The following ZNF862 variants were observed in gnomAD, a reference collection of about 807,000 sequenced individuals.
The protein encoded by ZNF862 is zinc finger protein 862.
In ZNF862, 64 loss-of-function variants were observed where a neutral mutation model predicts 91.1. The observed-to-expected ratio is 0.70, with a 90% confidence interval of 0.57 to 0.87. The LOEUF (loss-of-function observed/expected upper bound fraction) is 0.87. Among genes scored for constraint, ZNF862 ranks in the 40% least tolerant of loss-of-function variants. The pLI, the probability that ZNF862 is intolerant of heterozygous loss-of-function variation, is 0.00. For missense variants in ZNF862, 1,459 were observed against 1,528.0 expected (o/e 0.95, Z 0.75); for synonymous variants, 631 against 618.1 (o/e 1.02, Z -0.31).
chr7:149,863,519 C>T (rs573999231), intron 7 of ZNF862, among the ~76,000 whole-genome samples: 10 of 152,290 alleles, frequency 6.6e-5, no homozygotes, highest in African/African-American at 2.4e-4. Flanking sequence ...AAAGAGACCC[C>T]TCACTGATAA....
At chr7:149,849,958 A>C (rs1802005864) in intron 4 of ZNF862, among the ~76,000 whole-genome samples, 1 of 152,178 alleles carries the variant, frequency 6.6e-6, no homozygotes, top group South Asian at 2.1e-4. Context: ...GGATCTGACC[A>C]AGTCTCACTT....
chr7:149,864,147 G>A lies in ZNF862; in HGVS notation c.3373G>A (p.Val1125Met). The A allele has an allele frequency of 1.9e-6, 3 of 1,592,882 alleles. No individual in the cohort carries two copies. The highest frequency in any genetic ancestry group is 2.6e-6 in the Non-Finnish European group (3 of 1,169,896). Reference sequence around the variant, plus strand: ...GAAGGAGGAGATGGGAGCCCTCTATGTGGAGGAGCCCAGGACCCAGAAGCC... The same window carrying A: ...GAAGGAGGAGATGGGAGCCCTCTATATGGAGGAGCCCAGGACCCAGAAGCC... ...LRKEEMGALYVEEPRTQKPPI... is the reference protein window; with the variant it reads ...LRKEEMGALYMEEPRTQKPPI... The change falls in exon 8 of 8, where the codon GTG becomes ATG. Residue 1125 changes from valine (V) to methionine (M), a missense_variant. Coordinates refer to ENST00000223210, the MANE Select transcript of ZNF862 (RefSeq NM_001099220.3).
chr7:149,838,717 C>T, intron 1 of ZNF862, 82 bp downstream of exon 1: 1 of 937,972 alleles, frequency 1.1e-6, no homozygotes. Flanking sequence ...GCGGCTCGGG[C>T]GGAGGCCCCG....
rs1195076732 is a variant in ZNF862 at position 149,861,148 on chromosome 7, A to G, written c.1988A>G (p.Tyr663Cys). 6.2e-7 allele frequency: 1 copy of G among 1,613,046 alleles called. No individual in the cohort carries two copies. The highest frequency in any genetic ancestry group is 8.5e-7 in the Non-Finnish European group (1 of 1,179,858). Residue 663 changes from tyrosine (Y) to cysteine (C), a missense_variant, in exon 7 of 8, where the codon TAC (tyrosine) becomes TGC (cysteine). By Grantham distance (194) the Tyr-to-Cys change is radical (BLOSUM62 -2). Coordinates refer to ENST00000223210, the MANE Select transcript of ZNF862 (RefSeq NM_001099220.3). The surrounding 1 kb of genome is among the most constrained non-coding windows in gnomAD (Gnocchi z 6.7). ...KESYITLAPLYSETADGYFET... is the reference protein window; with the variant it reads ...KESYITLAPLCSETADGYFET... Reference sequence around the variant, plus strand: ...TCCTACATCACTCTGGCCCCTCTCTACAGTGAGACAGCAGATGGGTACTTC... The same window carrying G: ...TCCTACATCACTCTGGCCCCTCTCTGCAGTGAGACAGCAGATGGGTACTTC...
chr7:149,843,217 C>G (rs1048083548), intron 1 of ZNF862, among the ~76,000 whole-genome samples: 11 of 152,164 alleles, frequency 7.2e-5, no homozygotes, highest in African/African-American at 2.7e-4. Context: ...TGATTGATAT[C>G]ATTTTCCTCA....
chr7:149,850,592 C>T lies in ZNF862; in HGVS notation c.1117+254C>T. 1 of 442,502 alleles carries T rather than the reference C, an allele frequency of 2.3e-6. No homozygotes were observed. Among genetic ancestry groups the T allele is most frequent in the Non-Finnish European group, 4.1e-6 (1 of 246,770 alleles). The allele number at this position is 442,502 out of a possible 1,614,324, so 27.4% of individuals were successfully genotyped here. A position where few individuals can be genotyped will look rare whatever the true frequency, so the allele number is the denominator to read the frequency against. ...GTACCTACTATGTGCCAGATGAACACAGCTGATCCATGGTCTCTGCTTTCA... is the reference window on the plus strand; with the variant it reads ...GTACCTACTATGTGCCAGATGAACATAGCTGATCCATGGTCTCTGCTTTCA... On this transcript the variant is annotated intron_variant, in intron 5 of 7. Transcript: ENST00000223210. The surrounding 1 kb of genome is among the most constrained non-coding windows in gnomAD (Gnocchi z 4.2).
rs371510868 is a variant in ZNF862, at chr7:149,862,283, G to C, written c.3123G>C (p.Arg1041=). 8.7e-6 allele frequency: 14 copies of C among 1,613,670 alleles called. No individual in the cohort carries two copies. The Admixed American group carries it at 1.2e-4, about 13-fold the overall frequency. The change falls in exon 7 of 8, where the codon CGG becomes CGC. Residue 1041 remains arginine (R), a synonymous_variant. Transcript: ENST00000223210. ...CVPISTSCCE[R]GFKAMNRIRT... ...CCATCTCCACCTCTTGCTGTGAGCG[G>C]GGGTTCAAGGCCATGAACCGAATCA...
At chr7:149,848,521 ATAC>A in intron 4 of ZNF862, 89 bp downstream of exon 4, 1 of 1,080,708 alleles carries the variant, frequency 9.3e-7, no homozygotes, top group Non-Finnish European at 1.3e-6. Context: ...GGAAAAAAGA[ATAC>A]TAGTGATAAC....
At position 149,859,340 on chromosome 7, in the gene ZNF862, TC is replaced by T. The variant is rs1802371392; in HGVS notation, c.1118-81del. The T allele has an allele frequency of 3.2e-6, 4 of 1,245,882 alleles. No homozygotes were observed. In the South Asian group the frequency reaches 5.1e-5, roughly 16 times the overall value. 77.2% of individuals were successfully genotyped at this position (1,245,882 alleles called of 1,614,324 possible). On this transcript the variant is annotated intron_variant, in intron 5 of 7. Transcript: ENST00000223210. Reference sequence around the variant, plus strand: ...GAACCCAGAGACACCTCTGTGTACTTCAGGGACTGGGTCTAGCTTGAGGGGG... The same window carrying T: ...GAACCCAGAGACACCTCTGTGTACTTAGGGACTGGGTCTAGCTTGAGGGGG...
intron 1 of ZNF862, among the ~76,000 whole-genome samples, chr7:149,840,012 G>A (rs1020450095): frequency 2.6e-5 from 4 of 151,718 alleles, no homozygotes; most frequent in African/African-American, 7.3e-5. Context: ...AGAGAAATAC[G>A]GTCATGCGCT....
At chr7:149,857,200 T>G (rs942177625) in intron 5 of ZNF862, among the ~76,000 whole-genome samples, 3 of 152,280 alleles carry the variant, frequency 2.0e-5, no homozygotes, top group Admixed American at 6.5e-5. Context: ...AAAATTTTCT[T>G]GTATGATTTC....
chr7:149,862,673 G>T (rs921048509), intron 7 of ZNF862, among the ~76,000 whole-genome samples, 179 bp downstream of exon 7: 1 of 152,220 alleles, frequency 6.6e-6, no homozygotes, highest in African/African-American at 2.4e-5. Flanking sequence ...GGGAGATGAC[G>T]CACATGTGCT....
intron 2 of ZNF862, 33 bp downstream of exon 2, chr7:149,844,769 C>A: frequency 1.4e-6 from 2 of 1,403,986 alleles, no homozygotes; most frequent in South Asian, 1.2e-5. Context: ...CTGCCACTGT[C>A]AATTTAGATC....
At chr7:149,840,187 T>TAAAAAAAAAAAAAAAAAAAAAA (rs60721842) in intron 1 of ZNF862, among the ~76,000 whole-genome samples, 8 of 41,252 alleles carry the variant, frequency 1.9e-4, no homozygotes, top group South Asian at 1.8e-3. Context: ...GCTTAAAAAG[T>TAAAAAAAAAAAAAAAAAAAAAA]AAAAAAAAAA....
At chr7:149,859,905 T>G in intron 6 of ZNF862, 1 of 259,348 alleles carries the variant, frequency 3.9e-6, no homozygotes. Context: ...GAGAATTCGT[T>G]GTCTTGCCTA....
rs1802754108 is a variant in ZNF862 at position 149,867,004 on chromosome 7, G to A, written c.*2720G>A. ...GGGAAGAAGCATGCACTCCCGCTTT[G>A]GCTGGAGTCCCAGCGCTTGTCGCCA... On this transcript the variant is annotated 3_prime_UTR_variant, in exon 8 of 8. Transcript: ENST00000223210. 6.6e-6 allele frequency: 1 copy of A among 152,132 alleles called. No homozygotes were observed. The highest frequency in any genetic ancestry group is 1.5e-5 in the Non-Finnish European group (1 of 68,032). The allele number at this position is 152,132 out of a possible 1,614,324, so 9.4% of individuals were successfully genotyped here. A position where few individuals can be genotyped will look rare whatever the true frequency, so the allele number is the denominator to read the frequency against.
chr7:149,852,850 C>G (rs1802113149), intron 5 of ZNF862: 1 of 152,252 alleles, frequency 6.6e-6, no homozygotes, highest in African/African-American at 2.4e-5. Context: ...CCACTCACTG[C>G]AGGCGGGCAG....
chr7:149,864,209 G>A lies in ZNF862; in HGVS notation c.3435G>A (p.Leu1145=), dbSNP rs986187677. ...CCTCCAGGGAAGCAGCGGAGGTTCT[G>A]AAGGACTGCATCATGGAGCCTCCCG... ...ILPSREAAEV[L]KDCIMEPPER... is the part of the protein sequence containing the mutation. Residue 1145 remains leucine (L), a synonymous_variant, in exon 8 of 8, where the codon CTG becomes CTA. Transcript: ENST00000223210. The A allele has an allele frequency of 9.4e-6, 15 of 1,599,492 alleles. No individual in the cohort carries two copies. The highest frequency in any genetic ancestry group is 1.2e-5 in the Non-Finnish European group (14 of 1,173,442).
chr7:149,858,191 T>G (rs1333764554), intron 5 of ZNF862, among the ~76,000 whole-genome samples: 1 of 152,218 alleles, frequency 6.6e-6, no homozygotes, highest in Non-Finnish European at 1.5e-5. Flanking sequence ...CCAACCAGCT[T>G]GCTTCTCCTT....
Sources: allele counts gnomAD v4.1 joint callset (sites outside exome capture counted in the v4.1 genomes callset), GRCh38; gene constraint gnomAD v4.1.1; non-coding constraint Gnocchi (gnomAD v3.1); transcripts MANE v1.5; gene names NCBI Gene and HGNC (gene_info 2026-07-23, HGNC 2026-07-21).